Variants in SLC2A7 observed in about 807,000 individuals in gnomAD.
SLC2A7 encodes the protein solute carrier family 2 member 7, also known as solute carrier family 2, facilitated glucose transporter member 7.
A neutral mutation model predicts 50.5 loss-of-function variants in SLC2A7; 50 were observed. The observed-to-expected ratio is 0.99, with a 90% CI of 0.79 to 1.25. The LOEUF (loss-of-function observed/expected upper bound fraction) is 1.25. Ranked by LOEUF, SLC2A7 falls within the 50% of genes most tolerant of loss-of-function variation. The pLI is 0.00. For missense variants in SLC2A7, 683 were observed against 679.1 expected, an observed-to-expected ratio of 1.01 and a Z score of -0.06; for synonymous variants, 308 against 300.4, an observed-to-expected ratio of 1.03 and a Z score of -0.26.
At chr1:9,015,785 G>A (rs1192527686) in intron 5 of SLC2A7, among the ~76,000 whole-genome samples, 1 of 149,860 alleles carries the variant, frequency 6.7e-6, no homozygotes, top group Non-Finnish European at 1.5e-5. Context: ...GTGCAATGGT[G>A]CGATCATAGC....
At chr1:8,993,959 A>G in the SLC2A7 span, among the ~76,000 whole-genome samples, 1 of 152,226 alleles carries the variant, frequency 6.6e-6, no homozygotes, top group African/African-American at 2.4e-5. Flanking sequence ...TCAAGGGTAC[A>G]ACTTATGGCA....
At chr1:9,017,163 A>T (rs1416781736) in intron 5 of SLC2A7, among the ~76,000 whole-genome samples, 9 of 152,196 alleles carry the variant, frequency 5.9e-5, no homozygotes, top group African/African-American at 2.2e-4. Context: ...TTTACTAAAA[A>T]TACAAAATTA....
At chr1:9,007,970 C>A (rs116761970) in intron 9 of SLC2A7, among the ~76,000 whole-genome samples, 1 of 152,022 alleles carries the variant, frequency 6.6e-6, no homozygotes, top group Admixed American at 6.6e-5. Flanking sequence ...CCATGAGGAA[C>A]CTTAGTCCCT....
In SLC2A7 at chr1:9,015,165, G is replaced by T. The variant is rs1360574023; in HGVS notation, c.667C>A (p.Pro223Thr). ...LLTLPFFPES[P>T]RYSLIQKGDE... is the part of the protein sequence containing the mutation. ...CCTTTCTGAATCAGGGAGTAGCGGG[G>T]GCTTTCGGGGAAGAAGGGCAGGGTC... The change falls in exon 6 of 12, where the codon CCC (proline) becomes ACC (threonine). Residue 223 changes from proline (P) to threonine (T), a missense_variant. By Grantham distance (38) the Pro-to-Thr change is conservative. Coordinates refer to ENST00000400906, the MANE Select transcript of SLC2A7 (RefSeq NM_207420.3). 1 of 1,613,184 alleles carries T rather than the reference G, an allele frequency of 6.2e-7. No individual in the cohort carries two copies. The highest frequency in any genetic ancestry group is 1.7e-5 in the Admixed American group (1 of 59,894).
chr1:9,013,526 G>A lies in SLC2A7; in HGVS notation c.1013C>T (p.Ser338Leu). The A allele has an allele frequency of 1.9e-6, 3 of 1,612,904 alleles. No homozygotes were observed. The highest frequency in any genetic ancestry group is 1.1e-5 in the South Asian group (1 of 90,986). Residue 338 changes from serine (S) to leucine (L), a missense_variant and splice_region_variant, in exon 8 of 12, where the codon TCG (serine) becomes TTG (leucine). Physicochemically the swap from Ser to Leu is moderately radical, Grantham distance 145. Coordinates refer to ENST00000400906, the MANE Select transcript of SLC2A7 (RefSeq NM_207420.3). ...GAAGGATGCCTCCTGCTCACTCACC[G>A]AGGTGATGGTCATCACTATGTTGAC... The part of the protein sequence containing the change: ...GVVNIVMTIT[S>L]AVLVERLGRR...
intron 1 of SLC2A7, among the ~76,000 whole-genome samples, chr1:9,025,278 G>A (rs1179493837): frequency 6.6e-6 from 1 of 152,212 alleles, no homozygotes; most frequent in Non-Finnish European, 1.5e-5. Flanking sequence ...CCTCCTTGAG[G>A]ATGTATCTGA....
downstream of SLC2A7, among the ~76,000 whole-genome samples, chr1:9,001,409 T>C (rs572553510): frequency 5.5e-4 from 83 of 149,796 alleles, 1 homozygote; most frequent in South Asian, 0.017. Flanking sequence ...CAGGCCTGAA[T>C]GCAGGTGCTA....
At position 9,007,243 on chromosome 1, in the gene SLC2A7, C is replaced by T. The variant is rs1055592478; in HGVS notation, c.1192+67G>A. 2.6e-6 allele frequency: 4 copies of T among 1,564,068 alleles called. 1 individual carries two copies. Among genetic ancestry groups the T allele is most frequent in the East Asian group, 4.5e-5 (2 of 44,568 alleles). Reference sequence around the variant, plus strand: ...TCACTCAGCAAATATGTGTCGAGCACTGACTGTGTGTCAGGCCCAGGAATG... The same window carrying T: ...TCACTCAGCAAATATGTGTCGAGCATTGACTGTGTGTCAGGCCCAGGAATG... On this transcript the variant is annotated intron_variant, in intron 10 of 11. Coordinates refer to ENST00000400906, the MANE Select transcript of SLC2A7 (RefSeq NM_207420.3).
downstream of SLC2A7, among the ~76,000 whole-genome samples, chr1:8,998,108 A>T (rs1640531317): frequency 6.6e-6 from 1 of 152,166 alleles, no homozygotes; most frequent in South Asian, 2.1e-4. Context: ...TCTGTTGGAA[A>T]ATCAGTTGTC....
In SLC2A7 at chr1:9,003,277, C is replaced by G. The variant is rs562025913; in HGVS notation, c.*23G>C. ...CATAGAAGGAAGCCTTGAATATGGGCTCCCGTCCTTCATGCAGGGCCACTA... is the reference window on the plus strand; with the variant it reads ...CATAGAAGGAAGCCTTGAATATGGGGTCCCGTCCTTCATGCAGGGCCACTA... On this transcript the variant is annotated 3_prime_UTR_variant, in exon 12 of 12. Coordinates refer to ENST00000400906, the MANE Select transcript of SLC2A7 (RefSeq NM_207420.3). The G allele has an allele frequency of 1.9e-6, 3 of 1,611,834 alleles. No homozygotes were observed. In the South Asian group the frequency reaches 3.3e-5, roughly 18 times the overall value.
chr1:9,014,566 G>T, intron 7 of SLC2A7, 115 bp downstream of exon 7: 1 of 1,293,860 alleles, frequency 7.7e-7, no homozygotes, highest in Non-Finnish European at 1.1e-6. Flanking sequence ...GCTCTGCCTG[G>T]ACTGATCCTG....
the SLC2A7 span, among the ~76,000 whole-genome samples, chr1:8,996,438 T>C: frequency 6.6e-6 from 1 of 152,230 alleles, no homozygotes; most frequent in Non-Finnish European, 1.5e-5. Context: ...TGTACTTTGG[T>C]GGTGCTTCCA....
intron 4 of SLC2A7, 137 bp downstream of exon 4, chr1:9,019,072 G>T (rs1355111874): frequency 8.7e-7 from 1 of 1,144,042 alleles, no homozygotes; most frequent in Non-Finnish European, 1.2e-6. Flanking sequence ...GCTTGCAAGG[G>T]CCTGGGGATG....
chr1:8,993,850 A>G, the SLC2A7 span, among the ~76,000 whole-genome samples: 2 of 152,064 alleles, frequency 1.3e-5, no homozygotes, highest in African/African-American at 4.8e-5. Flanking sequence ...GATGGTCTCA[A>G]TCTTCTGATC....
intron 9 of SLC2A7, 152 bp from the exon 10 acceptor site, chr1:9,007,537 G>A (rs1343788195): frequency 1.5e-6 from 1 of 687,442 alleles, no homozygotes; most frequent in East Asian, 2.7e-5. Context: ...GGGCAAGAGA[G>A]GAAGGCCAGT....
At chr1:8,998,888 T>C (rs867137993), downstream of SLC2A7, among the ~76,000 whole-genome samples, 3 of 152,196 alleles carry the variant, frequency 2.0e-5, no homozygotes, top group African/African-American at 4.8e-5. Flanking sequence ...ATGAGTGATA[T>C]TGGGTTGTAG....
intron 3 of SLC2A7, among the ~76,000 whole-genome samples, chr1:9,020,897 A>G (rs1239771129): frequency 6.6e-6 from 1 of 152,056 alleles, no homozygotes; most frequent in African/African-American, 2.4e-5. Flanking sequence ...TTTATAAGGA[A>G]GAGTATTTCT....
At chr1:9,000,932 T>C (rs1182450980), downstream of SLC2A7, among the ~76,000 whole-genome samples, 1 of 151,412 alleles carries the variant, frequency 6.6e-6, no homozygotes, top group East Asian at 1.9e-4. Context: ...GGCCTCCGAG[T>C]CTTCCAGCTG....
intron 5 of SLC2A7, among the ~76,000 whole-genome samples, chr1:9,016,524 G>A (rs190756810): frequency 0.011 from 1,638 of 152,104 alleles, 17 homozygotes; most frequent in South Asian, 0.016. Flanking sequence ...TGGGAGGATC[G>A]CTTGAGCCTG....
Sources: gnomAD v4.1 joint callset for allele counts (sites outside exome capture counted in the v4.1 genomes callset) on GRCh38, gnomAD v4.1.1 for gene constraint, MANE v1.5 for transcripts, NCBI Gene and HGNC (gene_info 2026-07-23, HGNC 2026-07-21) for gene names.